The following ETV6 variants were observed in gnomAD, a reference collection of about 807,000 sequenced individuals.
ETV6 encodes ETS variant transcription factor 6.
ETV6 carries 16 observed loss-of-function variants against 51.1 expected under a neutral mutation model. The ratio of observed to expected loss-of-function variants is 0.31; its 90% CI spans 0.21 to 0.48. The LOEUF (loss-of-function observed/expected upper bound fraction) is 0.48, where lower values mean the gene tolerates loss of function less well. ETV6 is among the 20% of genes least tolerant of loss of function. The pLI, the probability that ETV6 is intolerant of heterozygous loss-of-function variation, is 0.99. For missense variants in ETV6, 458 were observed against 594.8 expected (o/e 0.77, Z 2.39); for synonymous variants, 240 against 224.1 (o/e 1.07, Z -0.64).
Position 11,757,081 on chromosome 12 carries a change from C to T in ETV6, c.163+4502C>T, listed in dbSNP as rs141846815. ...AATAGGGTTAGGGTTTATGATGTTG[C>T]AGGTTAATAAATAGCCATAATAGCC... On this transcript the variant is annotated intron_variant, in intron 2 of 7. Transcript: ENST00000396373. 2.6e-3 allele frequency among the ~76,000 whole-genome samples: 396 copies of T among 152,178 alleles called. 2 individuals are homozygous for T. Among genetic ancestry groups the T allele is most frequent in the African/African-American group, 9.2e-3 (380 of 41,516 alleles).
intron 2 of ETV6, among the ~76,000 whole-genome samples, chr12:11,790,318 G>C (rs956068752): frequency 1.3e-5 from 2 of 152,040 alleles, no homozygotes; most frequent in African/African-American, 4.8e-5. Context: ...CAAACGTCTG[G>C]TGATCCCTGC....
intron 1 of ETV6, among the ~76,000 whole-genome samples, chr12:11,711,881 C>G (rs913376399): frequency 6.6e-6 from 1 of 152,202 alleles, no homozygotes; most frequent in Admixed American, 6.5e-5. Context: ...AACCTTCCCC[C>G]CGTGGGTGGA....
In ETV6 at chr12:11,840,491, C is replaced by T. The variant is rs538547683; in HGVS notation, c.328+1187C>T. On this transcript the variant is annotated intron_variant, in intron 3 of 7. Coordinates refer to ENST00000396373, the MANE Select transcript of ETV6 (RefSeq NM_001987.5). ...GACTCTGATGTAACTTGACAAAGGG[C>T]GAGGATCCTGCAGAAGGTCTTGGCA... The T allele has an allele frequency of 3.3e-5, 15 of 455,994 alleles. No homozygotes were observed. In the East Asian group the frequency reaches 4.2e-4, roughly 13 times the overall value. 28.2% of individuals were successfully genotyped at this position (455,994 alleles called of 1,614,324 possible).
intron 2 of ETV6, among the ~76,000 whole-genome samples, chr12:11,773,021 C>T (rs1945265614): frequency 6.6e-6 from 1 of 151,742 alleles, no homozygotes; most frequent in African/African-American, 2.4e-5. Flanking sequence ...GGTGAAAGCC[C>T]GTCTCTACTA....
At position 11,823,351 on chromosome 12, in the gene ETV6, A is replaced by G. The variant is rs568384802; in HGVS notation, c.164-15789A>G. On this transcript the variant is annotated intron_variant, in intron 2 of 7. Transcript: ENST00000396373. Reference sequence around the variant, plus strand: ...TCACTCATACTTTTGTGAACTATTAAAAATTTCATAGTTCTGACATCTGGA... The same window carrying G: ...TCACTCATACTTTTGTGAACTATTAGAAATTTCATAGTTCTGACATCTGGA... 3.9e-5 allele frequency among the ~76,000 whole-genome samples: 6 copies of G among 152,310 alleles called. No homozygotes were observed. The East Asian group carries it at 1.2e-3, about 29-fold the overall frequency.
intron 1 of ETV6, among the ~76,000 whole-genome samples, chr12:11,719,953 G>T (rs770107432): frequency 6.6e-6 from 1 of 152,200 alleles, no homozygotes; most frequent in Non-Finnish European, 1.5e-5. Flanking sequence ...AGTCATCCGG[G>T]AAGGAAAGGC....
At position 11,736,034 on chromosome 12, in the gene ETV6, T is replaced by C. The variant is rs185991950; in HGVS notation, c.34-16416T>C. Reference sequence around the variant, plus strand: ...TGAAACAGTGTATGTGCCTGTCACATAGTAGTTGACAATAAATGATAGTTT... The same window carrying C: ...TGAAACAGTGTATGTGCCTGTCACACAGTAGTTGACAATAAATGATAGTTT... On this transcript the variant is annotated intron_variant, in intron 1 of 7. Transcript: ENST00000396373. Among the ~76,000 whole-genome samples, 328 of 152,380 alleles carry C rather than the reference T, an allele frequency of 2.2e-3. 2 individuals carry two copies. The highest frequency in any genetic ancestry group is 3.7e-3 in the Non-Finnish European group (250 of 68,034).
At chr12:11,803,745 T>C (rs889433123) in intron 2 of ETV6, among the ~76,000 whole-genome samples, 2 of 152,240 alleles carry the variant, frequency 1.3e-5, no homozygotes, top group African/African-American at 2.4e-5. Flanking sequence ...TTTGATTTTG[T>C]ATTATAGAAT....
intron 5 of ETV6, among the ~76,000 whole-genome samples, chr12:11,874,300 C>G (rs1001256701): frequency 3.3e-5 from 5 of 151,468 alleles, no homozygotes; most frequent in African/African-American, 1.2e-4. Flanking sequence ...TCGCTTGAAC[C>G]TGGAAGGTGG....
chr12:11,675,447 AAGTT>A (rs1185306298), intron 1 of ETV6, among the ~76,000 whole-genome samples: 3 of 152,168 alleles, frequency 2.0e-5, no homozygotes, highest in Non-Finnish European at 4.4e-5. Flanking sequence ...TATCCCTCTA[AAGTT>A]AGTTAGCACA....
chr12:11,716,972 G>A (rs1010385233), intron 1 of ETV6, among the ~76,000 whole-genome samples: 1 of 152,122 alleles, frequency 6.6e-6, no homozygotes, highest in African/African-American at 2.4e-5. Flanking sequence ...TGATTCCAAG[G>A]GTCAAAGCAC....
chr12:11,677,935 C>G (rs1456932885), intron 1 of ETV6, among the ~76,000 whole-genome samples: 2 of 152,204 alleles, frequency 1.3e-5, no homozygotes, highest in African/African-American at 4.8e-5. Context: ...AGGTGCTTCC[C>G]CTCGTGCAGT....
chr12:11,743,033 A>C (rs1176589457), intron 1 of ETV6, among the ~76,000 whole-genome samples: 1 of 151,766 alleles, frequency 6.6e-6, no homozygotes, highest in East Asian at 1.9e-4. Context: ...GTCTCGAACT[A>C]CTGAGCTCGA....
chr12:11,654,336 C>T (rs1213409363), intron 1 of ETV6, among the ~76,000 whole-genome samples: 1 of 152,056 alleles, frequency 6.6e-6, no homozygotes, highest in Non-Finnish European at 1.5e-5. Context: ...GGCCAACCTC[C>T]TCTATTTTTT....
chr12:11,884,180 T>C (rs1947151051), intron 5 of ETV6, among the ~76,000 whole-genome samples: 1 of 152,238 alleles, frequency 6.6e-6, no homozygotes, highest in African/African-American at 2.4e-5. Flanking sequence ...GACCGTGGAC[T>C]TCTGGGTCAC....
intron 5 of ETV6, among the ~76,000 whole-genome samples, chr12:11,879,595 G>C (rs1193253042): frequency 1.3e-5 from 2 of 152,240 alleles, no homozygotes; most frequent in Non-Finnish European, 2.9e-5. Context: ...GCAGGAAGGA[G>C]AGGGAACTAT....
intron 2 of ETV6, among the ~76,000 whole-genome samples, chr12:11,829,413 G>A (rs2954933): frequency 0.38 from 58,338 of 151,872 alleles, 11,981 homozygotes; most frequent in African/African-American, 0.54. Context: ...AGATTCAGAC[G>A]CGTAACTAAC....
chr12:11,809,201 G>A (rs1207139232), intron 2 of ETV6, among the ~76,000 whole-genome samples: 1 of 151,316 alleles, frequency 6.6e-6, no homozygotes, highest in African/African-American at 2.4e-5. Context: ...CAAAAGAGAG[G>A]TCATAGATAA....
chr12:11,882,059 T>G (rs1947105441), intron 5 of ETV6, among the ~76,000 whole-genome samples: 1 of 152,128 alleles, frequency 6.6e-6, no homozygotes, highest in Non-Finnish European at 1.5e-5. Context: ...AGGACTATGG[T>G]GTTGTTGTTT....
Sources: allele counts gnomAD v4.1 joint callset (sites outside exome capture counted in the v4.1 genomes callset), GRCh38; gene constraint gnomAD v4.1.1; transcripts MANE v1.5; gene names NCBI Gene and HGNC (gene_info 2026-07-23, HGNC 2026-07-21).